Variants in ROR2 observed in about 807,000 individuals in gnomAD.
ROR2 encodes the protein ROR family WNT receptor 2.
Under a neutral mutation model 74.9 loss-of-function variants are expected in ROR2, and 33 were observed. That is an observed-to-expected ratio of 0.44 (90% CI 0.33 to 0.59). The LOEUF (loss-of-function observed/expected upper bound fraction) is 0.59. Ranked by LOEUF, ROR2 falls within the 20% of genes least tolerant of loss-of-function variation. The pLI, the probability that ROR2 is intolerant of heterozygous loss-of-function variation, is 0.02. For synonymous variants in ROR2, 586 were observed against 558.7 expected, an observed-to-expected ratio of 1.05 and a Z score of -0.69; for missense variants, 1,216 against 1,313.8, an observed-to-expected ratio of 0.93 and a Z score of 1.15.
At chr9:91,796,801 GAATGACACC>G (rs1827193301) in intron 1 of ROR2, among the ~76,000 whole-genome samples, 2 of 128,806 alleles carry the variant, frequency 1.6e-5, no homozygotes, top group East Asian at 3.1e-4. Context: ...TGTGGGTGGG[GAATGACACC>G]CTGGGATCTG....
chr9:91,949,820 G>T, intron 1 of ROR2, 47 bp downstream of exon 1: 3 of 1,216,576 alleles, frequency 2.5e-6, no homozygotes, highest in African/African-American at 1.5e-5. Flanking sequence ...CTGGCCAAGC[G>T]AGCCGTGAGC....
intron 1 of ROR2, among the ~76,000 whole-genome samples, chr9:91,879,018 G>A (rs1373951683): frequency 1.3e-5 from 2 of 151,894 alleles, no homozygotes; most frequent in Non-Finnish European, 2.9e-5. Flanking sequence ...CTCCAGCCTG[G>A]GCGACAGAGC....
At chr9:91,873,228 C>T (rs1024776479) in intron 1 of ROR2, among the ~76,000 whole-genome samples, 3 of 152,132 alleles carry the variant, frequency 2.0e-5, no homozygotes, top group Admixed American at 2.0e-4. Flanking sequence ...TGCCTGTGTG[C>T]ATCGGGCCCA....
intron 1 of ROR2, among the ~76,000 whole-genome samples, chr9:91,859,123 G>C (rs1829389840): frequency 2.0e-5 from 3 of 151,572 alleles, no homozygotes; most frequent in Non-Finnish European, 4.4e-5. Flanking sequence ...CCCACAAAGA[G>C]ATTCAGGGCA....
intron 1 of ROR2, among the ~76,000 whole-genome samples, chr9:91,874,660 G>A (rs1213907357): frequency 2.6e-5 from 4 of 152,106 alleles, no homozygotes; most frequent in Non-Finnish European, 4.4e-5. Flanking sequence ...CAACTGGGCC[G>A]GGCGTGGTGG....
chr9:91,809,189 T>C (rs1043858131), intron 1 of ROR2, among the ~76,000 whole-genome samples: 1 of 152,170 alleles, frequency 6.6e-6, no homozygotes, highest in Admixed American at 6.5e-5. Flanking sequence ...CACTCCTCCC[T>C]TCCATCTCTC....
At chr9:91,796,885 G>A (rs1394343705) in intron 1 of ROR2, among the ~76,000 whole-genome samples, 1 of 120,410 alleles carries the variant, frequency 8.3e-6, no homozygotes, top group Non-Finnish European at 1.6e-5. Flanking sequence ...GGGCGGGGCT[G>A]ACACCCTGGG....
intron 1 of ROR2, among the ~76,000 whole-genome samples, chr9:91,939,885 A>AT (rs1831802332): frequency 6.6e-6 from 1 of 152,196 alleles, no homozygotes; most frequent in Non-Finnish European, 1.5e-5. Context: ...AGGGCTCCAG[A>AT]ATAAACGGGA....
chr9:91,817,946 TG>T (rs772388998), intron 1 of ROR2, among the ~76,000 whole-genome samples: 1 of 151,746 alleles, frequency 6.6e-6, no homozygotes, highest in African/African-American at 2.4e-5. Context: ...AATTATCAGG[TG>T]GGGGAAAGGG....
At chr9:91,856,847 C>T (rs1440313370) in intron 1 of ROR2, among the ~76,000 whole-genome samples, 2 of 152,222 alleles carry the variant, frequency 1.3e-5, no homozygotes, top group Non-Finnish European at 2.9e-5. Context: ...GGCTGCCTCA[C>T]TGCTCAAGCT....
chr9:91,751,784 C>G (rs968037899), intron 4 of ROR2, among the ~76,000 whole-genome samples: 4 of 151,982 alleles, frequency 2.6e-5, no homozygotes, highest in Non-Finnish European at 5.9e-5. Flanking sequence ...GCAAGATTCA[C>G]AAAAATGGAC....
chr9:91,725,221 G>A (rs1836985570), intron 8 of ROR2, 114 bp from the exon 9 acceptor site: 4 of 1,571,100 alleles, frequency 2.5e-6, no homozygotes, highest in African/African-American at 1.3e-5. Flanking sequence ...GGGGGGCCTT[G>A]CAGAAGACCC....
intron 1 of ROR2, among the ~76,000 whole-genome samples, chr9:91,900,684 C>T (rs914387666): frequency 3.9e-5 from 6 of 152,208 alleles, no homozygotes; most frequent in Non-Finnish European, 7.3e-5. Context: ...GCTGGGCCGC[C>T]AAGGCCACTC....
At chr9:91,787,808 GAGA>G (rs386736277) in intron 1 of ROR2, among the ~76,000 whole-genome samples, 8,810 of 152,122 alleles carry the variant, frequency 0.058, 482 homozygotes, top group Admixed American at 0.16. Flanking sequence ...GAATGGGGGG[GAGA>G]AAGTGGCCAA....
chr9:91,856,148 G>A (rs1198581081), intron 1 of ROR2, among the ~76,000 whole-genome samples: 1 of 152,242 alleles, frequency 6.6e-6, no homozygotes, highest in Admixed American at 6.5e-5. Context: ...CTTGAGGCCA[G>A]GAGTTTGAGA....
intron 1 of ROR2, among the ~76,000 whole-genome samples, chr9:91,885,536 A>G (rs1462169729): frequency 1.3e-5 from 2 of 152,204 alleles, no homozygotes; most frequent in Non-Finnish European, 2.9e-5. Flanking sequence ...CAGGGTGGCT[A>G]TGACATGGGA....
chr9:91,833,710 C>T (rs929563439), intron 1 of ROR2, among the ~76,000 whole-genome samples: 2 of 152,150 alleles, frequency 1.3e-5, no homozygotes, highest in Non-Finnish European at 2.9e-5. Flanking sequence ...GCTCAGCCCC[C>T]GAGAGCTCCC....
At chr9:91,747,301 C>T (rs1435508194) in intron 4 of ROR2, among the ~76,000 whole-genome samples, 2 of 152,296 alleles carry the variant, frequency 1.3e-5, no homozygotes, top group African/African-American at 4.8e-5. Flanking sequence ...GTGGTAAATC[C>T]TTTAACCTTC....
intron 1 of ROR2, among the ~76,000 whole-genome samples, chr9:91,878,849 G>A (rs995441606): frequency 2.0e-5 from 3 of 152,122 alleles, no homozygotes; most frequent in South Asian, 2.1e-4. Flanking sequence ...AGGCCGAGAC[G>A]GGCAGATCAC....
Sources: gnomAD v4.1 joint callset for allele counts (sites outside exome capture counted in the v4.1 genomes callset) on GRCh38, gnomAD v4.1.1 for gene constraint, MANE v1.5 for transcripts, NCBI Gene and HGNC (gene_info 2026-07-23, HGNC 2026-07-21) for gene names.